Variants in TGIF1 observed in about 807,000 individuals in gnomAD.
TGIF1 encodes TGFB induced factor homeobox 1.
In TGIF1, 4 loss-of-function variants were observed where a neutral mutation model predicts 19.3. That is an observed-to-expected ratio of 0.21 (90% confidence interval 0.10 to 0.47). The LOEUF (loss-of-function observed/expected upper bound fraction) is 0.47, where lower values mean the gene tolerates loss of function less well. Among genes scored for constraint, TGIF1 ranks in the 20% least tolerant of loss-of-function variants. The pLI is 0.98. For synonymous variants in TGIF1, 122 were observed against 129.3 expected (o/e 0.94, Z 0.38); for missense variants, 275 against 341.4 (o/e 0.81, Z 1.53).
At chr18:3,416,268 C>T (rs2082330694) in intron 1 of TGIF1, among the ~76,000 whole-genome samples, 1 of 152,172 alleles carries the variant, frequency 6.6e-6, no homozygotes, top group African/African-American at 2.4e-5. Context: ...GCCTGTGATC[C>T]CAGCACTTTG....
intron 1 of TGIF1, among the ~76,000 whole-genome samples, chr18:3,454,283 GCCTT>G (rs1055204341): frequency 6.6e-6 from 1 of 152,138 alleles, no homozygotes; most frequent in African/African-American, 2.4e-5. Context: ...TCAAAGGGCA[GCCTT>G]CAGGGGCTTT....
intron 2 of TGIF1, among the ~76,000 whole-genome samples, chr18:3,426,191 C>G (rs2082466204): frequency 9.9e-6 from 1 of 101,238 alleles, no homozygotes; most frequent in Non-Finnish European, 1.8e-5. Flanking sequence ...TTTTTTGAGA[C>G]AGGGTCTTGC....
At chr18:3,453,731 T>C (rs967920061) in intron 1 of TGIF1, 1 of 783,846 alleles carries the variant, frequency 1.3e-6, no homozygotes, top group East Asian at 1.3e-4. Flanking sequence ...ACAAGGTCGC[T>C]GCTTAGGGCG....
chr18:3,436,342 T>C (rs1349493500), intron 2 of TGIF1, among the ~76,000 whole-genome samples: 1 of 152,240 alleles, frequency 6.6e-6, no homozygotes, highest in Non-Finnish European at 1.5e-5. Flanking sequence ...AACTTGGGCA[T>C]AAGCATTATT....
chr18:3,429,678 GA>G (rs2082521592), intron 2 of TGIF1, among the ~76,000 whole-genome samples: 1 of 152,158 alleles, frequency 6.6e-6, no homozygotes, highest in African/African-American at 2.4e-5. Context: ...ACCAAAGCAT[GA>G]TGTTACAAAA....
At chr18:3,426,440 A>AT in intron 2 of TGIF1, among the ~76,000 whole-genome samples, 1 of 152,258 alleles carries the variant, frequency 6.6e-6, no homozygotes, top group African/African-American at 2.4e-5. Flanking sequence ...AAGTGCTGGC[A>AT]TTACAGGCAT....
intron 2 of TGIF1, among the ~76,000 whole-genome samples, chr18:3,425,568 G>A (rs983738945): frequency 4.6e-5 from 7 of 152,024 alleles, no homozygotes; most frequent in African/African-American, 1.7e-4. Context: ...CTAAGTACTG[G>A]ATGGCCCCAC....
At chr18:3,448,676 T>C (rs1345151661), upstream of TGIF1, 4 of 971,240 alleles carry the variant, frequency 4.1e-6, no homozygotes, top group Non-Finnish European at 4.9e-6. Context: ...CACCCAGGCT[T>C]TTTAAACTCT....
intron 2 of TGIF1, among the ~76,000 whole-genome samples, chr18:3,432,123 C>CAAAAAAAAAAAAAAAAAAAAAAAAA (rs751364681): frequency 1.0e-5 from 1 of 98,026 alleles, no homozygotes; most frequent in Non-Finnish European, 2.0e-5. Context: ...ACAAAACTGT[C>CAAAAAAAAAAAAAAAAAAAAAAAAA]AAAAAAAAAA....
chr18:3,445,748 AAAAAAG>A (rs2082734590), upstream of TGIF1, among the ~76,000 whole-genome samples: 4 of 129,572 alleles, frequency 3.1e-5, no homozygotes, highest in African/African-American at 1.2e-4. Flanking sequence ...AAAAAAAAAA[AAAAAAG>A]AGAAGAAAAG....
chr18:3,450,978 C>T (rs866747327), intron 1 of TGIF1, among the ~76,000 whole-genome samples: 8 of 150,168 alleles, frequency 5.3e-5, no homozygotes, highest in Non-Finnish European at 8.9e-5. Context: ...CCCGCCCCCG[C>T]CCCCGCCGCC....
Position 3,457,368 on chromosome 18 carries a change from T to C in TGIF1, c.247T>C (p.Cys83Arg), listed in dbSNP as rs1304320061. 6.2e-7 allele frequency: 1 copy of C among 1,614,238 alleles called. No individual in the cohort carries two copies. Among genetic ancestry groups the C allele is most frequent in the East Asian group, 2.2e-5 (1 of 44,886 alleles). ...QQTHLSTLQV[C>R]NWFINARRRL... ...AAGCGTACCGATATGATTTCAGGTC[T>C]GTAACTGGTTCATCAACGCCCGCCG... Residue 83 changes from cysteine to arginine, a missense_variant, in exon 3 of 3, where the codon TGT becomes CGT. Physicochemically the swap from Cys to Arg is radical, Grantham distance 180. Transcript: ENST00000343820. The surrounding 1 kb of genome is among the most constrained non-coding windows in gnomAD (Gnocchi z 4.9).
At position 3,456,359 on chromosome 18, in the gene TGIF1, G is replaced by GT; in HGVS notation, c.24dup (p.Ala9CysfsTer6). 6.2e-7 allele frequency: 1 copy of GT among 1,614,174 alleles called. No individual in the cohort carries two copies. The highest frequency in any genetic ancestry group is 8.5e-7 in the Non-Finnish European group (1 of 1,180,018). ...TGGCCCTTGTCCTTTCCTAGGTATT[G>GT]TTGCAGCATCTGGCAGTGAGACTGA... On this transcript the variant is annotated frameshift_variant, in exon 2 of 3. Coordinates refer to ENST00000343820, the MANE Select transcript of TGIF1 (RefSeq NM_003244.4). LOFTEE classifies it high-confidence loss of function. The surrounding 1 kb of genome is among the most constrained non-coding windows in gnomAD (Gnocchi z 4.2).
In TGIF1 at chr18:3,459,260, T is replaced by G. The variant is rs1001618049; in HGVS notation, c.*1320T>G. 2.0e-5 allele frequency: 3 copies of G among 152,208 alleles called. No homozygotes were observed. The highest frequency in any genetic ancestry group is 2.9e-5 in the Non-Finnish European group (2 of 68,046). The allele number at this position is 152,208 out of a possible 1,614,324, so 9.4% of individuals were successfully genotyped here. On this transcript the variant is annotated 3_prime_UTR_variant, in exon 3 of 3. Transcript: ENST00000343820. The stretch of plus-strand genomic sequence containing the variant: ...GGAGCATCAGAGCTTCAGTATTGTT[T>G]AAAGAATGTAGAAAAATACAAATTT...
Position 3,423,953 on chromosome 18 carries a change from TTAAAC to T in TGIF1, c.-45+5743_-45+5747del, listed in dbSNP as rs546379193. On this transcript the variant is annotated intron_variant, in intron 2 of 3. Transcript: ENST00000401449. ...GGTAGAGAGAATTAAAGCAGCTATCTTAAACTAAAGAGGGCAGCCACGATGGAGTG... is the reference window on the plus strand; with the variant it reads ...GGTAGAGAGAATTAAAGCAGCTATCTTAAAGAGGGCAGCCACGATGGAGTG... 1.4e-4 allele frequency among the ~76,000 whole-genome samples: 21 copies of T among 152,280 alleles called. No homozygotes were observed. The South Asian group carries it at 4.4e-3, about 32-fold the overall frequency.
intron 2 of TGIF1, among the ~76,000 whole-genome samples, chr18:3,427,848 C>T (rs2082493569): frequency 6.6e-6 from 1 of 152,170 alleles, no homozygotes; most frequent in Non-Finnish European, 1.5e-5. Flanking sequence ...GATCCGCCTG[C>T]CTGGGCCTCC....
chr18:3,452,469 C>T, intron 1 of TGIF1: 13 of 1,587,674 alleles, frequency 8.2e-6, no homozygotes, highest in African/African-American at 1.3e-5. Flanking sequence ...TTTCTTTCCC[C>T]TTTTAGGTTT....
Position 3,451,526 on chromosome 18 carries a change from T to C in TGIF1, c.16+1021T>C, listed in dbSNP as rs2082929304. 1 of 1,001,370 alleles carries C rather than the reference T, an allele frequency of 1.0e-6. No homozygotes were observed. The highest frequency in any genetic ancestry group is 1.7e-5 in the African/African-American group (1 of 57,914). 62.0% of individuals were successfully genotyped at this position (1,001,370 alleles called of 1,614,324 possible). A position where few individuals can be genotyped will look rare whatever the true frequency, so the allele number is the denominator to read the frequency against. The stretch of plus-strand genomic sequence containing the variant: ...GTGGTTCAAAACAGAAGTTAATCAC[T>C]CGGGAAGCGGACGGGAGGGGCGGCG... On this transcript the variant is annotated intron_variant, in intron 1 of 2. Coordinates refer to ENST00000343820, the MANE Select transcript of TGIF1 (RefSeq NM_003244.4). The surrounding 1 kb of genome is among the most constrained non-coding windows in gnomAD (Gnocchi z 5.4).
Position 3,457,564 on chromosome 18 carries a change from C to G in TGIF1, c.443C>G (p.Pro148Arg), listed in dbSNP as rs369930850. 84 of 1,614,036 alleles carry G rather than the reference C, an allele frequency of 5.2e-5. No individual in the cohort carries two copies. Among genetic ancestry groups the G allele is most frequent in the Non-Finnish European group, 6.5e-5 (77 of 1,180,018 alleles). The change falls in exon 3 of 3, where the codon CCA becomes CGA. Residue 148 changes from proline to arginine, a missense_variant. Physicochemically the swap from Pro to Arg is moderately radical, Grantham distance 103 (BLOSUM62 -2). Transcript: ENST00000343820. The surrounding 1 kb of genome is among the most constrained non-coding windows in gnomAD (Gnocchi z 4.9). Reference sequence around the variant, plus strand: ...CCATTTCATTCCTGTACAGCTGGGCCAAACCCAACCCTAGGGAGGCCACTG... The same window carrying G: ...CCATTTCATTCCTGTACAGCTGGGCGAAACCCAACCCTAGGGAGGCCACTG... Reference protein sequence around the residue: ...ETPFHSCTAGPNPTLGRPLSP... With the variant: ...ETPFHSCTAGRNPTLGRPLSP...
Sources: allele counts gnomAD v4.1 joint callset (sites outside exome capture counted in the v4.1 genomes callset), GRCh38; gene constraint gnomAD v4.1.1; non-coding constraint Gnocchi (gnomAD v3.1); transcripts MANE v1.5; gene names NCBI Gene and HGNC (gene_info 2026-07-23, HGNC 2026-07-21).